ZNF468: variants seen among roughly 807,000 people sequenced by gnomAD.
The protein encoded by ZNF468 is zinc finger protein 468, also known as zinc finger protein ZNF468.
Under a neutral mutation model 7.2 loss-of-function variants are expected in ZNF468, and 8 were observed. The observed-to-expected ratio is 1.11, with a 90% CI of 0.65 to 2.01. The LOEUF (loss-of-function observed/expected upper bound fraction) is 2.01. Ranked by LOEUF, ZNF468 falls within the 30% of genes most tolerant of loss-of-function variation. The pLI is 0.00. For missense variants in ZNF468, 608 were observed against 626.5 expected (o/e 0.97, Z 0.31); for synonymous variants, 218 against 214.4 (o/e 1.02, Z -0.15).
chr19:52,850,628 G>A (rs111405711), intron 2 of ZNF468, among the ~76,000 whole-genome samples: 34 of 152,198 alleles, frequency 2.2e-4, no homozygotes, highest in African/African-American at 6.3e-4. Context: ...GGCCGGGCGC[G>A]GTGGCTCACG....
chr19:52,850,116 A>C (rs2063374552), intron 2 of ZNF468, among the ~76,000 whole-genome samples: 1 of 152,092 alleles, frequency 6.6e-6, no homozygotes, highest in African/African-American at 2.4e-5. Context: ...ATGTGTGTGC[A>C]TGTGTGTGGG....
intron 3 of ZNF468, among the ~76,000 whole-genome samples, chr19:52,845,915 A>G (rs756466173): frequency 1.3e-5 from 2 of 152,124 alleles, no homozygotes; most frequent in Non-Finnish European, 2.9e-5. Flanking sequence ...AGGCAGGAGA[A>G]TCAGTTGTAC....
At chr19:52,854,406 A>G in intron 1 of ZNF468, 61 bp from the exon 2 acceptor site, 1 of 1,487,282 alleles carries the variant, frequency 6.7e-7, no homozygotes. Flanking sequence ...CCTTAACACA[A>G]TGACACAAAC....
At position 52,852,812 on chromosome 19, in the gene ZNF468, A is replaced by G. The variant is rs181291644; in HGVS notation, c.15+1446T>C. Among the ~76,000 whole-genome samples, 6 of 152,222 alleles carry G rather than the reference A, an allele frequency of 3.9e-5. No individual in the cohort carries two copies. In the East Asian group the frequency reaches 1.2e-3, roughly 29 times the overall value. On this transcript the variant is annotated intron_variant, in intron 2 of 3. Coordinates refer to ENST00000595646, the MANE Select transcript of ZNF468 (RefSeq NM_001008801.2). ...GTAACAAGCCTTCACACATAGCCCC[A>G]AAAGTAAAGTAAAAAAATATATAAA...
chr19:52,855,656 A>G (rs2063431250), intron 1 of ZNF468, among the ~76,000 whole-genome samples: 1 of 150,692 alleles, frequency 6.6e-6, no homozygotes, highest in South Asian at 2.1e-4. Context: ...TCTGTTTCTG[A>G]GTCTACCGCT....
At chr19:52,852,016 T>A (rs1429149890) in intron 2 of ZNF468, among the ~76,000 whole-genome samples, 1 of 152,012 alleles carries the variant, frequency 6.6e-6, no homozygotes, top group East Asian at 1.9e-4. Flanking sequence ...TGAAGAGGAA[T>A]CTCGCCTTGG....
chr19:52,841,256 A>G lies in ZNF468; in HGVS notation c.1038T>C (p.Thr346=). Residue 346 remains threonine (T), a synonymous_variant, in exon 4 of 4, where the codon ACT becomes ACC. Coordinates refer to ENST00000595646, the MANE Select transcript of ZNF468 (RefSeq NM_001008801.2). ...AAGGTTTCTCTCCAGTGTGAAGTAT[A>G]GTATGTTTTGCCAGATATGAATTAT... is the stretch of plus-strand genomic sequence containing the variant. ...FAYNSYLAKH[T]ILHTGEKPYT... 2 of 1,613,622 alleles carry G rather than the reference A, an allele frequency of 1.2e-6. No individual in the cohort carries two copies. Among genetic ancestry groups the G allele is most frequent in the Non-Finnish European group, 1.7e-6 (2 of 1,179,928 alleles).
chr19:52,857,563 A>G lies in ZNF468; in HGVS notation c.-74+9T>C. 1 of 152,790 alleles carries G rather than the reference A, an allele frequency of 6.5e-6. No homozygotes were observed. The allele number at this position is 152,790 out of a possible 1,614,324, so 9.5% of individuals were successfully genotyped here. A position where few individuals can be genotyped will look rare whatever the true frequency, so the allele number is the denominator to read the frequency against. ...GCTCAGACTTAACACCACACAGAGCAAAACTCACCGCCCGCCGCGGCGTGA... is the reference window on the plus strand; with the variant it reads ...GCTCAGACTTAACACCACACAGAGCGAAACTCACCGCCCGCCGCGGCGTGA... On this transcript the variant is annotated intron_variant, in intron 1 of 3. Coordinates refer to ENST00000595646, the MANE Select transcript of ZNF468 (RefSeq NM_001008801.2).
chr19:52,851,315 G>A (rs866298916), intron 2 of ZNF468, among the ~76,000 whole-genome samples: 17 of 151,762 alleles, frequency 1.1e-4, no homozygotes, highest in Admixed American at 2.0e-4. Flanking sequence ...GGTGGCTCAC[G>A]CCTGTACTTT....
At chr19:52,844,988 C>G (rs548183545) in intron 3 of ZNF468, among the ~76,000 whole-genome samples, 1 of 152,176 alleles carries the variant, frequency 6.6e-6, no homozygotes, top group Non-Finnish European at 1.5e-5. Context: ...AAGCCATCTA[C>G]TAGCACTAAC....
rs980291696 is a variant in ZNF468 at position 52,839,989 on chromosome 19, A to G, written c.*736T>C. On this transcript the variant is annotated 3_prime_UTR_variant, in exon 4 of 4. Coordinates refer to ENST00000595646, the MANE Select transcript of ZNF468 (RefSeq NM_001008801.2). The stretch of plus-strand genomic sequence containing the variant: ...TATACCATGGATTGCTTGATGGTGA[A>G]TAAGTGGTGACTGCCCACTAAAGGG... The G allele has an allele frequency of 5.0e-5, 65 of 1,307,028 alleles. No individual in the cohort carries two copies. In the East Asian group the frequency reaches 1.7e-3, roughly 33 times the overall value. The allele number at this position is 1,307,028 out of a possible 1,614,324, so 81.0% of individuals were successfully genotyped here. A position where few individuals can be genotyped will look rare whatever the true frequency, so the allele number is the denominator to read the frequency against.
intron 2 of ZNF468, 22 bp downstream of exon 2, chr19:52,854,236 T>A (rs755571792): frequency 2.5e-6 from 4 of 1,613,600 alleles, no homozygotes; most frequent in Non-Finnish European, 3.4e-6. Flanking sequence ...GACAGAACAA[T>A]CCACCGAGGA....
chr19:52,854,263 G>A lies in ZNF468; in HGVS notation c.10C>T (p.Pro4Ser), dbSNP rs1428084731. The A allele has an allele frequency of 6.2e-7, 1 of 1,613,804 alleles. No homozygotes were observed. The change falls in exon 2 of 4, where the codon CCT (proline) becomes TCT (serine). Residue 4 changes from proline (P) to serine (S), a missense_variant. Transcript: ENST00000595646. ...CACCGAGGATATCATCTCACCTGAG[G>A]AAGAGCCATCCCTGACTCCTTTGCT... The part of the protein sequence containing the change: MAL[P>S]QGLLTFRDVA...
chr19:52,842,615 C>A (rs914687431), intron 3 of ZNF468, among the ~76,000 whole-genome samples: 1 of 151,826 alleles, frequency 6.6e-6, no homozygotes, highest in Non-Finnish European at 1.5e-5. Flanking sequence ...AGTGGAAATT[C>A]TCTATTGTCA....
At chr19:52,856,179 A>G (rs2063436629) in intron 1 of ZNF468, among the ~76,000 whole-genome samples, 1 of 152,204 alleles carries the variant, frequency 6.6e-6, no homozygotes, top group African/African-American at 2.4e-5. Context: ...AAACAGGGAA[A>G]CAGGGTCAGC....
chr19:52,849,004 G>T (rs1270670299), intron 3 of ZNF468, 83 bp downstream of exon 3: 1 of 1,116,952 alleles, frequency 9.0e-7, no homozygotes, highest in South Asian at 1.7e-5. Context: ...TTTTAGTCAA[G>T]GAACAATGGG....
chr19:52,854,093 C>A, intron 2 of ZNF468, 165 bp downstream of exon 2: 1 of 1,540,156 alleles, frequency 6.5e-7, no homozygotes, highest in South Asian at 1.2e-5. Context: ...GACACTGGGT[C>A]ACGAGAGACG....
At chr19:52,844,760 A>G (rs2063329854) in intron 3 of ZNF468, among the ~76,000 whole-genome samples, 1 of 152,058 alleles carries the variant, frequency 6.6e-6, no homozygotes. Flanking sequence ...GCTTGTCTCT[A>G]ACTCCTGACC....
rs1464021564 is a variant in ZNF468 at position 52,840,891 on chromosome 19, T to C, written c.1403A>G (p.Lys468Arg). 6.2e-7 allele frequency: 1 copy of C among 1,614,016 alleles called. No homozygotes were observed. The highest frequency in any genetic ancestry group is 1.1e-5 in the South Asian group (1 of 91,064). Residue 468 changes from lysine to arginine, a missense_variant, in exon 4 of 4, where the codon AAG becomes AGG. Coordinates refer to ENST00000595646, the MANE Select transcript of ZNF468 (RefSeq NM_001008801.2). ...GAAGGTCTTGCCACACTCATTACAC[T>C]TGTAAGGTTTCTCTCCAGTATGAAC... The part of the protein sequence containing the change: ...QRVHTGEKPY[K>R]CNECGKTFGQ...
Sources: gnomAD v4.1 joint callset for allele counts (sites outside exome capture counted in the v4.1 genomes callset) on GRCh38, gnomAD v4.1.1 for gene constraint, MANE v1.5 for transcripts, NCBI Gene and HGNC (gene_info 2026-07-23, HGNC 2026-07-21) for gene names.